Variants in CALD1 observed in about 807,000 individuals in gnomAD.
The protein encoded by CALD1 is caldesmon 1, also known as caldesmon.
In CALD1, 33 loss-of-function variants were observed where a neutral mutation model predicts 99.9. That is an observed-to-expected ratio of 0.33 (90% CI 0.25 to 0.44). The LOEUF is 0.44. Ranked by LOEUF, CALD1 falls within the 20% of genes least tolerant of loss-of-function variation. The pLI is 1.00. For missense variants in CALD1, 861 were observed against 962.1 expected, an observed-to-expected ratio of 0.89 and a Z score of 1.39; for synonymous variants, 310 against 325.0, an observed-to-expected ratio of 0.95 and a Z score of 0.50.
chr7:134,868,515 G>A (rs1800908494), intron 3 of CALD1, among the ~76,000 whole-genome samples: 1 of 152,158 alleles, frequency 6.6e-6, no homozygotes, highest in Non-Finnish European at 1.5e-5. Context: ...GAGAAAGCAG[G>A]TTAGGCATTC....
rs80075871 is a variant in CALD1, at chr7:134,906,275, A to T, written c.72-22479A>T. On this transcript the variant is annotated intron_variant, in intron 3 of 14. Transcript: ENST00000361675. Reference sequence around the variant, plus strand: ...TTCTAACCCCTGTCCTGTCAAAGCCAGAGAACTGAGACCTGGAAAGAAATG... The same window carrying T: ...TTCTAACCCCTGTCCTGTCAAAGCCTGAGAACTGAGACCTGGAAAGAAATG... 7.1e-3 allele frequency among the ~76,000 whole-genome samples: 1,074 copies of T among 152,298 alleles called. 12 individuals carry two copies. The highest frequency in any genetic ancestry group is 0.017 in the Middle Eastern group (5 of 294).
chr7:134,823,596 A>G (rs950611094), intron 1 of CALD1, among the ~76,000 whole-genome samples: 1 of 152,202 alleles, frequency 6.6e-6, no homozygotes, highest in African/African-American at 2.4e-5. Flanking sequence ...CTGTGGAATA[A>G]AGATGTCTCC....
At chr7:134,913,070 G>A (rs1803931886) in intron 3 of CALD1, among the ~76,000 whole-genome samples, 1 of 152,072 alleles carries the variant, frequency 6.6e-6, no homozygotes, top group South Asian at 2.1e-4. Flanking sequence ...TTCAAGACCA[G>A]CCTGACCAAC....
At chr7:134,906,800 A>G (rs1051150768) in intron 3 of CALD1, among the ~76,000 whole-genome samples, 4 of 152,152 alleles carry the variant, frequency 2.6e-5, no homozygotes, top group African/African-American at 7.2e-5. Context: ...ATAGTCTCCT[A>G]GCAGCCCTGA....
At chr7:134,869,074 T>G (rs1339517775) in intron 3 of CALD1, among the ~76,000 whole-genome samples, 1 of 152,114 alleles carries the variant, frequency 6.6e-6, no homozygotes, top group Non-Finnish European at 1.5e-5. Context: ...CATAGCAGCA[T>G]AGCCAGAGCT....
At chr7:134,716,866 G>A in the CALD1 span, among the ~76,000 whole-genome samples, 1 of 152,112 alleles carries the variant, frequency 6.6e-6, no homozygotes, top group Admixed American at 6.5e-5. Context: ...AAAGACCAAT[G>A]CCAAATGAGA....
chr7:134,874,476 AT>A (rs1801253318), intron 3 of CALD1, among the ~76,000 whole-genome samples: 1 of 152,122 alleles, frequency 6.6e-6, no homozygotes, highest in African/African-American at 2.4e-5. Flanking sequence ...GCTGTGATGT[AT>A]TTTCTGAGAA....
chr7:134,957,374 G>T (rs1365556445), intron 9 of CALD1, among the ~76,000 whole-genome samples: 1 of 152,050 alleles, frequency 6.6e-6, no homozygotes, highest in Non-Finnish European at 1.5e-5. Context: ...ATCCTAAAGG[G>T]TAACAGTGTG....
intron 1 of CALD1, among the ~76,000 whole-genome samples, chr7:134,812,235 A>G (rs1798379053): frequency 6.6e-6 from 1 of 152,192 alleles, no homozygotes; most frequent in Non-Finnish European, 1.5e-5. Context: ...GCTGCATGCT[A>G]CCATTACTCT....
chr7:134,834,213 T>C lies in CALD1; in HGVS notation c.-129-9671T>C, dbSNP rs147766587. ...AATGCTTTGAGATTAGGACGGTTGC[T>C]TGAAGTATTTATCGCTTGTTACACT... On this transcript the variant is annotated intron_variant, in intron 1 of 14. Coordinates refer to ENST00000361675, the MANE Select transcript of CALD1 (RefSeq NM_033138.4). Among the ~76,000 whole-genome samples, 71 of 152,326 alleles carry C rather than the reference T, an allele frequency of 4.7e-4. 1 individual carries two copies. Among genetic ancestry groups the C allele is most frequent in the African/African-American group, 1.7e-3 (69 of 41,588 alleles).
chr7:134,866,275 A>G (rs1308706828), intron 2 of CALD1, among the ~76,000 whole-genome samples: 1 of 152,218 alleles, frequency 6.6e-6, no homozygotes, highest in Admixed American at 6.5e-5. Context: ...AAATAATAAG[A>G]AGGAAAATGG....
chr7:134,812,487 G>GT (rs1233705199), intron 1 of CALD1, among the ~76,000 whole-genome samples: 1 of 151,724 alleles, frequency 6.6e-6, no homozygotes, highest in African/African-American at 2.4e-5. Flanking sequence ...TATCGGGAGT[G>GT]TTTACACAAG....
chr7:134,784,608 T>C lies in CALD1; in HGVS notation c.-130+4859T>C, dbSNP rs191571035. ...ATAAGGTGAAGTCTGGGAGAGCACA[T>C]GGCCCAGTGTTAGGAAGAAATAGAC... On this transcript the variant is annotated intron_variant, in intron 1 of 14. Transcript: ENST00000361675. Among the ~76,000 whole-genome samples the C allele has an allele frequency of 2.0e-5, 3 of 152,324 alleles. No homozygotes were observed. The East Asian group carries it at 5.8e-4, about 29-fold the overall frequency.
At position 134,893,601 on chromosome 7, in the gene CALD1, G is replaced by A. The variant is rs139306828; in HGVS notation, c.71+25797G>A. Among the ~76,000 whole-genome samples, 171 of 152,116 alleles carry A rather than the reference G, an allele frequency of 1.1e-3. 2 individuals are homozygous for A. The highest frequency in any genetic ancestry group is 3.7e-3 in the Admixed American group (56 of 15,272). On this transcript the variant is annotated intron_variant, in intron 3 of 14. Coordinates refer to ENST00000361675, the MANE Select transcript of CALD1 (RefSeq NM_033138.4). ...TTGACTCATTCTATTCCCTACACAGGGAATACCCTCACCCTCCTGTTTCTG... is the reference window on the plus strand; with the variant it reads ...TTGACTCATTCTATTCCCTACACAGAGAATACCCTCACCCTCCTGTTTCTG...
intron 1 of CALD1, among the ~76,000 whole-genome samples, chr7:134,825,946 C>T (rs946148529): frequency 7.2e-5 from 11 of 152,046 alleles, no homozygotes; most frequent in Non-Finnish European, 4.4e-5. Flanking sequence ...CATCTTAATT[C>T]AGGTTTCAAG....
intron 13 of CALD1, chr7:134,961,340 G>A (rs1466509335): frequency 1.3e-5 from 2 of 152,186 alleles, no homozygotes; most frequent in Non-Finnish European, 2.9e-5. Flanking sequence ...GCTCCCCACT[G>A]TATATTGCTG....
intron 3 of CALD1, among the ~76,000 whole-genome samples, chr7:134,924,888 A>AG (rs1269239696): frequency 1.1e-4 from 16 of 151,968 alleles, no homozygotes; most frequent in Non-Finnish European, 2.1e-4. Flanking sequence ...TGGTTTTATA[A>AG]GGGGGGGCTC....
intron 3 of CALD1, among the ~76,000 whole-genome samples, chr7:134,879,105 T>C (rs1801480206): frequency 6.6e-6 from 1 of 152,266 alleles, no homozygotes; most frequent in Non-Finnish European, 1.5e-5. Flanking sequence ...CAGGTGGAAC[T>C]GGCAGACAGA....
intron 3 of CALD1, among the ~76,000 whole-genome samples, chr7:134,885,605 G>A (rs940955771): frequency 2.0e-5 from 3 of 152,144 alleles, no homozygotes; most frequent in African/African-American, 7.2e-5. Context: ...GAACAAGAGT[G>A]GTACACACTG....
Sources: allele counts gnomAD v4.1 joint callset (sites outside exome capture counted in the v4.1 genomes callset), GRCh38; gene constraint gnomAD v4.1.1; transcripts MANE v1.5; gene names NCBI Gene and HGNC (gene_info 2026-07-23, HGNC 2026-07-21).